The following CNKSR2 variants were observed in gnomAD, a reference collection of about 807,000 sequenced individuals.
CNKSR2 encodes connector enhancer of kinase suppressor of Ras 2.
A neutral mutation model predicts 84.4 loss-of-function variants in CNKSR2; 14 were observed. That is an observed-to-expected ratio of 0.17 (90% CI 0.11 to 0.26). The LOEUF (loss-of-function observed/expected upper bound fraction) is 0.26. CNKSR2 is among the 10% of genes least tolerant of loss of function. CNKSR2 has a pLI of 1.00. For missense variants in CNKSR2, 485 were observed against 771.2 expected, an observed-to-expected ratio of 0.63 and a Z score of 4.40; for synonymous variants, 275 against 277.9, an observed-to-expected ratio of 0.99 and a Z score of 0.10.
chrX:21,414,735 A>G (rs752973369), intron 1 of CNKSR2, among the ~76,000 whole-genome samples: 1 of 111,954 alleles, frequency 8.9e-6, no homozygotes, highest in African/African-American at 3.2e-5. Flanking sequence ...TGTATATAGC[A>G]GGAGATACAG....
At position 21,611,739 on chromosome X, in the gene CNKSR2, C is replaced by A. The variant is rs149322225; in HGVS notation, c.2692+2122C>A. 5.5e-3 allele frequency among the ~76,000 whole-genome samples: 610 copies of A among 111,648 alleles called. 1 individual carries two copies. The highest frequency in any genetic ancestry group is 0.019 in the African/African-American group (576 of 30,722). ...GTTATTCAGTGCTTTCCATCTTTTT[C>A]AGTGGGCTCTCTGTAGAATAATTGT... On this transcript the variant is annotated intron_variant, in intron 20 of 21. Transcript: ENST00000379510.
At chrX:21,457,401 A>G (rs926351611) in intron 4 of CNKSR2, among the ~76,000 whole-genome samples, 4 of 111,311 alleles carry the variant, frequency 3.6e-5, no homozygotes, top group Admixed American at 1.9e-4. Flanking sequence ...TGGTCTGTGC[A>G]TATTTTTCTC....
chrX:21,400,466 A>G (rs2146985800), intron 1 of CNKSR2, among the ~76,000 whole-genome samples: 1 of 111,371 alleles, frequency 9.0e-6, no homozygotes, highest in African/African-American at 3.2e-5. Flanking sequence ...TGAATTTCTG[A>G]AGACTTTAAG....
intron 20 of CNKSR2, among the ~76,000 whole-genome samples, chrX:21,646,532 T>C (rs2092707436): frequency 8.9e-6 from 1 of 111,904 alleles, no homozygotes; most frequent in Non-Finnish European, 1.9e-5. Context: ...CAAAATGTTT[T>C]TTTAAACAAA....
intron 8 of CNKSR2, chrX:21,505,103 C>A: frequency 5.1e-6 from 1 of 194,722 alleles, no homozygotes; most frequent in Non-Finnish European, 9.4e-6. Flanking sequence ...ATTATTGGGG[C>A]ATATTTATAA....
intron 13 of CNKSR2, among the ~76,000 whole-genome samples, chrX:21,587,469 C>T (rs2092395386): frequency 8.9e-6 from 1 of 111,826 alleles, no homozygotes; most frequent in Admixed American, 9.5e-5. Context: ...GATTCTAGGC[C>T]TCTTTCATTT....
intron 6 of CNKSR2, chrX:21,491,227 G>A (rs1179538437): frequency 9.0e-6 from 1 of 111,286 alleles, no homozygotes; most frequent in Non-Finnish European, 1.9e-5. Flanking sequence ...TAAGTCTATA[G>A]GAAGAAAGCA....
chrX:21,507,664 A>G (rs1035911495), intron 8 of CNKSR2, among the ~76,000 whole-genome samples: 36 of 111,853 alleles, frequency 3.2e-4, no homozygotes, highest in African/African-American at 9.4e-4. Flanking sequence ...CATGTCTGCT[A>G]GTAAATGACA....
At chrX:21,386,635 G>A (rs1468628027) in intron 1 of CNKSR2, among the ~76,000 whole-genome samples, 4 of 112,251 alleles carry the variant, frequency 3.6e-5, no homozygotes, top group Admixed American at 9.4e-5. Context: ...ATGCAAACAT[G>A]ATATTTTCTG....
chrX:21,389,719 C>G (rs1481195162), intron 1 of CNKSR2, among the ~76,000 whole-genome samples: 1 of 112,135 alleles, frequency 8.9e-6, no homozygotes, highest in Admixed American at 9.4e-5. Context: ...CAAAATGCTC[C>G]CAGGAAACAA....
chrX:21,523,843 C>G (rs1028987861), intron 9 of CNKSR2, among the ~76,000 whole-genome samples: 1 of 110,443 alleles, frequency 9.1e-6, no homozygotes, highest in Non-Finnish European at 1.9e-5. Context: ...TTTTTCTTGT[C>G]TTTCTAATGT....
At chrX:21,447,766 A>G (rs111931699) in intron 4 of CNKSR2, among the ~76,000 whole-genome samples, 42 of 111,910 alleles carry the variant, frequency 3.8e-4, no homozygotes, top group African/African-American at 1.3e-3. Context: ...GTGTTTGTTG[A>G]AAGAATGATG....
chrX:21,395,851 C>T (rs770646438), intron 1 of CNKSR2, among the ~76,000 whole-genome samples: 95 of 111,298 alleles, frequency 8.5e-4, no homozygotes, highest in Non-Finnish European at 1.5e-3. Context: ...AAATGCCAAA[C>T]ACGAAACTGT....
chrX:21,443,965 TA>T (rs1315429895), intron 4 of CNKSR2, among the ~76,000 whole-genome samples: 2 of 111,748 alleles, frequency 1.8e-5, no homozygotes, highest in African/African-American at 6.5e-5. Flanking sequence ...AAACATCCTC[TA>T]AATCTGCATC....
chrX:21,569,262 T>G (rs572372369), intron 13 of CNKSR2, among the ~76,000 whole-genome samples: 1 of 111,570 alleles, frequency 9.0e-6, no homozygotes, highest in Admixed American at 9.5e-5. Flanking sequence ...TACCTCAATG[T>G]TGATGTCTGC....
chrX:21,607,148 G>A (rs1452644378), intron 19 of CNKSR2, among the ~76,000 whole-genome samples: 2 of 111,544 alleles, frequency 1.8e-5, no homozygotes, highest in Non-Finnish European at 3.8e-5. Context: ...GGTAGCCTTC[G>A]TGGAGATAAT....
intron 1 of CNKSR2, chrX:21,421,861 G>C (rs1260440956): frequency 9.1e-6 from 1 of 109,900 alleles, no homozygotes; most frequent in Non-Finnish European, 1.9e-5. Flanking sequence ...ATTGTCCAGG[G>C]AAGTAGTAGC....
chrX:21,581,478 T>G (rs1037756114), intron 13 of CNKSR2, among the ~76,000 whole-genome samples: 4 of 111,867 alleles, frequency 3.6e-5, no homozygotes, highest in Non-Finnish European at 7.5e-5. Context: ...TCCAACTGAT[T>G]TGTTGAAAAT....
Position 21,421,336 on chromosome X carries a change from G to A in CNKSR2, c.65-5161G>A, listed in dbSNP as rs187076649. ...TTTTCAGTGCCTTTTTCAGTGATGC[G>A]AAGTTAAAACTGGGTACTGTGAGTG... On this transcript the variant is annotated intron_variant, in intron 1 of 21. Coordinates refer to ENST00000379510, the MANE Select transcript of CNKSR2 (RefSeq NM_014927.5). 1.1e-4 allele frequency among the ~76,000 whole-genome samples: 12 copies of A among 104,833 alleles called. No individual in the cohort carries two copies. In the East Asian group the frequency reaches 3.6e-3, roughly 32 times the overall value. The allele number at this position is 104,833 out of a possible 115,157, so 91.0% of individuals were successfully genotyped here. A position where few individuals can be genotyped will look rare whatever the true frequency, so the allele number is the denominator to read the frequency against.
Sources: gnomAD v4.1 joint callset for allele counts (sites outside exome capture counted in the v4.1 genomes callset) on GRCh38, gnomAD v4.1.1 for gene constraint, MANE v1.5 for transcripts, NCBI Gene and HGNC (gene_info 2026-07-23, HGNC 2026-07-21) for gene names.